Variants in TNC observed in about 807,000 individuals in gnomAD.
The protein encoded by TNC is tenascin.
A neutral mutation model predicts 202.4 loss-of-function variants in TNC; 109 were observed. That is an observed-to-expected ratio of 0.54 (90% CI 0.46 to 0.63). The LOEUF (loss-of-function observed/expected upper bound fraction) is 0.63. Among genes scored for constraint, TNC ranks in the 30% least tolerant of loss-of-function variants. TNC has a pLI of 0.00. For synonymous variants in TNC, 1,007 were observed against 1,089.7 expected, an observed-to-expected ratio of 0.92 and a Z score of 1.50; for missense variants, 2,756 against 2,833.3, an observed-to-expected ratio of 0.97 and a Z score of 0.62.
intron 17 of TNC, among the ~76,000 whole-genome samples, 165 bp from the exon 18 acceptor site, chr9:115,042,506 G>T (rs1323982205): frequency 6.6e-6 from 1 of 152,158 alleles, no homozygotes; most frequent in East Asian, 1.9e-4. Context: ...GTTGTGACTT[G>T]CTAGGACCAA....
At chr9:115,042,810 A>T (rs994310575) in intron 17 of TNC, among the ~76,000 whole-genome samples, 1 of 152,154 alleles carries the variant, frequency 6.6e-6, no homozygotes, top group African/African-American at 2.4e-5. Context: ...TTTACAGAGA[A>T]CCAAACCAAG....
chr9:115,087,277 C>T lies in TNC; in HGVS notation c.458-4G>A, dbSNP rs779258590. The T allele has an allele frequency of 4.3e-6, 7 of 1,609,316 alleles. No homozygotes were observed. The highest frequency in any genetic ancestry group is 5.1e-6 in the Non-Finnish European group (6 of 1,176,168). On this transcript the variant is annotated splice_polypyrimidine_tract_variant and splice_region_variant and intron_variant, in intron 2 of 27. Transcript: ENST00000350763. ...AAGGGCCTGGTGTCCAAGCGGCCTG[C>T]AACAAAAGAAACAGAAGTTCTCAGC...
chr9:115,021,696 A>G (rs1829083169), intron 27 of TNC, among the ~76,000 whole-genome samples: 1 of 152,152 alleles, frequency 6.6e-6, no homozygotes, highest in African/African-American at 2.4e-5. Context: ...GTATTTTGAT[A>G]GGGGTTTGGT....
At chr9:115,108,794 A>G (rs187834147) in intron 1 of TNC, among the ~76,000 whole-genome samples, 1 of 152,322 alleles carries the variant, frequency 6.6e-6, no homozygotes, top group African/African-American at 2.4e-5. Context: ...TGCCCTTATT[A>G]AAAGAGACCC....
intron 6 of TNC, among the ~76,000 whole-genome samples, chr9:115,080,027 G>A (rs1336097612): frequency 1.3e-5 from 2 of 152,140 alleles, no homozygotes; most frequent in African/African-American, 2.4e-5. Flanking sequence ...TTAGGAGGCC[G>A]AGGCGGGTGG....
chr9:115,047,678 T>C (rs1831310190), intron 16 of TNC, among the ~76,000 whole-genome samples: 1 of 152,180 alleles, frequency 6.6e-6, no homozygotes, highest in African/African-American at 2.4e-5. Flanking sequence ...AGAAAGACTT[T>C]GGGAAACACA....
intron 1 of TNC, among the ~76,000 whole-genome samples, chr9:115,102,092 G>GA (rs1836281931): frequency 6.6e-6 from 1 of 152,122 alleles, no homozygotes; most frequent in African/African-American, 2.4e-5. Context: ...TTTTGCAGCT[G>GA]AAAAAACTGA....
intron 22 of TNC, among the ~76,000 whole-genome samples, chr9:115,033,467 C>T (rs1830096073): frequency 6.6e-6 from 1 of 152,144 alleles, no homozygotes; most frequent in African/African-American, 2.4e-5. Flanking sequence ...CAAAATGAGA[C>T]TCATGATTCA....
chr9:115,071,690 G>A (rs1393334457), intron 10 of TNC, among the ~76,000 whole-genome samples: 2 of 152,144 alleles, frequency 1.3e-5, no homozygotes, highest in African/African-American at 4.8e-5. Flanking sequence ...AGCTAAGGGA[G>A]AGGGGCAGAG....
chr9:115,030,485 A>G, intron 23 of TNC, 80 bp from the exon 24 acceptor site: 1 of 1,430,592 alleles, frequency 7.0e-7, no homozygotes, highest in Non-Finnish European at 9.4e-7. Flanking sequence ...AACTCTATGG[A>G]CTAGAATGCC....
intron 1 of TNC, among the ~76,000 whole-genome samples, chr9:115,103,643 G>C (rs796494586): frequency 1.3e-5 from 2 of 152,274 alleles, no homozygotes; most frequent in African/African-American, 2.4e-5. Flanking sequence ...CCAATTCTAA[G>C]ATCCCTTTGG....
Position 115,086,770 on chromosome 9 carries a change from C to G in TNC, c.961G>C (p.Asp321His). 1 of 1,613,758 alleles carries G rather than the reference C, an allele frequency of 6.2e-7. No individual in the cohort carries two copies. The highest frequency in any genetic ancestry group is 1.3e-5 in the African/African-American group (1 of 75,006). The stretch of plus-strand genomic sequence containing the variant: ...GTGCCATTGATGCAGCGGCCCCGGT[C>G]GAAGCAGTCATTGGGGCAGATGAGC... ...SELICPNDCF[D>H]RGRCINGTCY... The change falls in exon 3 of 28, where the codon GAC (aspartate) becomes CAC (histidine). Residue 321 changes from aspartate (D) to histidine (H), a missense_variant. Asp to His is a moderately conservative substitution (Grantham distance 81). Transcript: ENST00000350763.
At chr9:115,089,463 A>G (rs142320894) in intron 2 of TNC, among the ~76,000 whole-genome samples, 16 of 151,106 alleles carry the variant, frequency 1.1e-4, no homozygotes, top group African/African-American at 3.9e-4. Flanking sequence ...ACACACAGGC[A>G]CATGCAAAAT....
Position 115,086,579 on chromosome 9 carries a change from A to G in TNC, c.1152T>C (p.Arg384=). The G allele has an allele frequency of 6.2e-7, 1 of 1,613,828 alleles. No individual in the cohort carries two copies. Among genetic ancestry groups the G allele is most frequent in the Non-Finnish European group, 8.5e-7 (1 of 1,179,972 alleles). The change falls in exon 3 of 28, where the codon CGT becomes CGC. Residue 384 remains arginine (R), a synonymous_variant. Transcript: ENST00000350763. ...EKRCPADCHN[R]GRCVDGRCEC... is the part of the protein sequence containing the mutation. ...CACACCGCCCGTCTACACAGCGGCC[A>G]CGATTGTGACAGTCAGCAGGACACC...
rs1833836942 is a variant in TNC, at chr9:115,076,187, A to C, written c.2861-66T>G. The C allele has an allele frequency of 9.0e-6, 14 of 1,556,514 alleles. No individual in the cohort carries two copies. The Middle Eastern group carries it at 1.3e-3, about 149-fold the overall frequency. ...AGAGAGACTTTCAGAGGATGATAAA[A>C]ATGGCTTTGAGTTGGTCTCTGGAGG... On this transcript the variant is annotated intron_variant, in intron 8 of 27. Transcript: ENST00000350763.
At chr9:115,085,763 G>T (rs1410596354) in intron 3 of TNC, 101 bp downstream of exon 3, 4 of 1,095,806 alleles carry the variant, frequency 3.7e-6, no homozygotes, top group Non-Finnish European at 5.2e-6. Context: ...CAAAGAATCA[G>T]TGTGCATGAA....
chr9:115,067,454 C>T (rs572546041), intron 10 of TNC, among the ~76,000 whole-genome samples: 8 of 152,228 alleles, frequency 5.3e-5, no homozygotes, highest in African/African-American at 1.9e-4. Context: ...ATCTTTTAAT[C>T]CTTATGTCTA....
intron 1 of TNC, among the ~76,000 whole-genome samples, chr9:115,110,616 G>A (rs1193809846): frequency 6.6e-6 from 1 of 152,158 alleles, no homozygotes; most frequent in Non-Finnish European, 1.5e-5. Context: ...ATTAATCGAA[G>A]ATGTTACTAT....
At chr9:115,075,931 A>G in intron 9 of TNC, 101 bp downstream of exon 9, 1 of 1,029,146 alleles carries the variant, frequency 9.7e-7, no homozygotes, top group Non-Finnish European at 1.5e-6. Context: ...TTTTTCCTCC[A>G]GGCTTCTACT....
Sources: allele counts gnomAD v4.1 joint callset (sites outside exome capture counted in the v4.1 genomes callset), GRCh38; gene constraint gnomAD v4.1.1; transcripts MANE v1.5; gene names NCBI Gene and HGNC (gene_info 2026-07-23, HGNC 2026-07-21).